The following RPH3A variants were observed in gnomAD, a reference collection of about 807,000 sequenced individuals.
RPH3A encodes the protein rabphilin 3A.
Under a neutral mutation model 102.2 loss-of-function variants are expected in RPH3A, and 48 were observed. The observed-to-expected ratio is 0.47, with a 90% CI of 0.37 to 0.60. The LOEUF (loss-of-function observed/expected upper bound fraction) is 0.60. Among genes scored for constraint, RPH3A ranks in the 20% least tolerant of loss-of-function variants. The pLI, the probability that RPH3A is intolerant of heterozygous loss-of-function variation, is 0.00. For synonymous variants in RPH3A, 310 were observed against 324.3 expected, an observed-to-expected ratio of 0.96 and a Z score of 0.47; for missense variants, 781 against 910.1, an observed-to-expected ratio of 0.86 and a Z score of 1.83.
rs549450577 is a variant in RPH3A at position 112,841,052 on chromosome 12, G to A, written c.83+4550G>A. Among the ~76,000 whole-genome samples the A allele has an allele frequency of 1.6e-3, 248 of 151,668 alleles. 1 individual carries two copies. The highest frequency in any genetic ancestry group is 5.4e-3 in the African/African-American group (224 of 41,346). Reference sequence around the variant, plus strand: ...AATCTACTGTGATCCTCAGAATGAAGCCCTGTTAAGCTTGGTGTGGTGATG... The same window carrying A: ...AATCTACTGTGATCCTCAGAATGAAACCCTGTTAAGCTTGGTGTGGTGATG... On this transcript the variant is annotated intron_variant, in intron 4 of 21. Coordinates refer to ENST00000389385, the MANE Select transcript of RPH3A (RefSeq NM_001143854.2).
intron 1 of RPH3A, among the ~76,000 whole-genome samples, chr12:112,687,552 C>G (rs1383180845): frequency 6.6e-6 from 1 of 152,178 alleles, no homozygotes; most frequent in East Asian, 1.9e-4. Context: ...GAATGACTAT[C>G]AGACCAGCCA....
intron 20 of RPH3A, 198 bp from the exon 21 acceptor site, chr12:112,895,579 C>T (rs1699529919): frequency 9.9e-6 from 5 of 504,858 alleles, no homozygotes; most frequent in Non-Finnish European, 1.4e-5. Context: ...GATGACAGTG[C>T]TTTGTTACAC....
chr12:112,764,812 T>A (rs888927748), intron 1 of RPH3A, among the ~76,000 whole-genome samples: 4 of 152,172 alleles, frequency 2.6e-5, no homozygotes, highest in Non-Finnish European at 4.4e-5. Flanking sequence ...TATGGCCTCT[T>A]GCTGTAGCTA....
In RPH3A at chr12:112,706,123, G is replaced by T. The variant is rs369492838; in HGVS notation, c.-139-86020G>T. On this transcript the variant is annotated intron_variant, in intron 1 of 21. Transcript: ENST00000543106. The stretch of plus-strand genomic sequence containing the variant: ...ATGGAGACTAGAGCAGACACTTTTG[G>T]TGCCTCTCCCATATCCCCTTGGCAC... Among the ~76,000 whole-genome samples, 6 of 152,238 alleles carry T rather than the reference G, an allele frequency of 3.9e-5. No individual in the cohort carries two copies. In the East Asian group the frequency reaches 1.2e-3, roughly 29 times the overall value.
chr12:112,874,103 G>A (rs1186478282), intron 10 of RPH3A: 1 of 152,228 alleles, frequency 6.6e-6, no homozygotes, highest in African/African-American at 2.4e-5. Flanking sequence ...GTGTATTCAA[G>A]CATCCATCCA....
At chr12:112,765,202 A>G (rs768266563) in intron 1 of RPH3A, among the ~76,000 whole-genome samples, 4 of 150,810 alleles carry the variant, frequency 2.7e-5, no homozygotes, top group African/African-American at 7.3e-5. Context: ...GATATTGATC[A>G]TGGGAGTGGT....
At chr12:112,575,647 T>G (rs2039353602) in intron 1 of RPH3A, among the ~76,000 whole-genome samples, 1 of 152,006 alleles carries the variant, frequency 6.6e-6, no homozygotes, top group Non-Finnish European at 1.5e-5. Context: ...GTAGCTCCTC[T>G]CCGGTAGCCA....
At chr12:112,690,535 G>A (rs1247551846) in intron 1 of RPH3A, among the ~76,000 whole-genome samples, 2 of 152,216 alleles carry the variant, frequency 1.3e-5, no homozygotes, top group East Asian at 3.8e-4. Context: ...GAATCTTGGA[G>A]TCTTATATCC....
At chr12:112,671,923 T>C (rs111792820) in intron 1 of RPH3A, among the ~76,000 whole-genome samples, 1,860 of 151,580 alleles carry the variant, frequency 0.012, 43 homozygotes, top group African/African-American at 0.043. Flanking sequence ...CACACATACA[T>C]ACATATATAT....
chr12:112,780,798 G>A (rs1328547229), intron 1 of RPH3A, among the ~76,000 whole-genome samples: 2 of 152,120 alleles, frequency 1.3e-5, no homozygotes, highest in African/African-American at 2.4e-5. Context: ...ACAAGGAGAC[G>A]CGATTTTGTG....
chr12:112,704,184 G>A (rs1361252675), intron 1 of RPH3A, among the ~76,000 whole-genome samples: 1 of 151,874 alleles, frequency 6.6e-6, no homozygotes, highest in East Asian at 1.9e-4. Context: ...CACCTCCCAG[G>A]TTCAAGCAAT....
At chr12:112,763,951 G>A (rs562222384) in intron 1 of RPH3A, among the ~76,000 whole-genome samples, 1 of 152,318 alleles carries the variant, frequency 6.6e-6, no homozygotes, top group South Asian at 2.1e-4. Flanking sequence ...CCCCTGTCCT[G>A]TTATCATGGG....
At chr12:112,808,755 G>A (rs1321534121) in intron 2 of RPH3A, among the ~76,000 whole-genome samples, 1 of 152,130 alleles carries the variant, frequency 6.6e-6, no homozygotes, top group Non-Finnish European at 1.5e-5. Context: ...AAATTCTTGG[G>A]CTCTGTTCCA....
chr12:112,695,559 T>G (rs1014708287), intron 1 of RPH3A, among the ~76,000 whole-genome samples: 2 of 152,228 alleles, frequency 1.3e-5, no homozygotes, highest in African/African-American at 4.8e-5. Context: ...TTCCTACCTC[T>G]GGGTACCAGC....
At chr12:112,721,045 T>C (rs1397886797) in intron 1 of RPH3A, among the ~76,000 whole-genome samples, 1 of 152,200 alleles carries the variant, frequency 6.6e-6, no homozygotes, top group Non-Finnish European at 1.5e-5. Context: ...TTCTCATCCA[T>C]CTGACAAATA....
At chr12:112,647,846 G>T (rs949393575) in intron 1 of RPH3A, among the ~76,000 whole-genome samples, 7 of 152,190 alleles carry the variant, frequency 4.6e-5, no homozygotes, top group African/African-American at 1.7e-4. Context: ...GTGGGAAAAA[G>T]CTTAAGCAAG....
chr12:112,705,432 C>T (rs2040421705), intron 1 of RPH3A, among the ~76,000 whole-genome samples: 1 of 152,128 alleles, frequency 6.6e-6, no homozygotes, highest in Non-Finnish European at 1.5e-5. Context: ...AAAAGGTATT[C>T]TAAGGAAATT....
In RPH3A at chr12:112,657,286, G is replaced by A. The variant is rs189700405; in HGVS notation, c.-140+81967G>A. ...TATTCTTTGCCTACTTTTTAATGGC[G>A]TTATTTTTTTTTTCTTGTTGAGTTG... On this transcript the variant is annotated intron_variant, in intron 1 of 21. Coordinates refer to the RPH3A transcript ENST00000543106. Among the ~76,000 whole-genome samples the A allele has an allele frequency of 1.6e-3, 245 of 151,752 alleles. 1 individual carries two copies. Among genetic ancestry groups the A allele is most frequent in the African/African-American group, 5.4e-3 (222 of 41,424 alleles).
chr12:112,779,845 C>T (rs2040994683), intron 1 of RPH3A, among the ~76,000 whole-genome samples: 1 of 152,062 alleles, frequency 6.6e-6, no homozygotes, highest in African/African-American at 2.4e-5. Flanking sequence ...AGGATGAGCC[C>T]TAAATCCAAT....
Sources: gnomAD v4.1 joint callset for allele counts (sites outside exome capture counted in the v4.1 genomes callset) on GRCh38, gnomAD v4.1.1 for gene constraint, MANE v1.5 for transcripts, NCBI Gene and HGNC (gene_info 2026-07-23, HGNC 2026-07-21) for gene names.